The following HAO2 variants were observed in gnomAD, a reference collection of about 807,000 sequenced individuals.
HAO2 encodes the protein hydroxyacid oxidase 2, also known as 2-Hydroxyacid oxidase 2.
HAO2 carries 42 observed loss-of-function variants against 37.4 expected under a neutral mutation model. The ratio of observed to expected loss-of-function variants is 1.12; its 90% CI spans 0.88 to 1.45. HAO2 has a LOEUF of 1.45. Among genes scored for constraint, HAO2 ranks in the 40% most tolerant of loss-of-function variants. The probability of loss-of-function intolerance (pLI) is 0.00; values close to 1 mark genes in which losing one functional copy is unlikely to be tolerated. For synonymous variants in HAO2, 180 were observed against 162.8 expected (o/e 1.11, Z -0.81); for missense variants, 476 against 430.2 (o/e 1.11, Z -0.94).
intron 5 of HAO2, 59 bp downstream of exon 5, chr1:119,386,890 G>A (rs936692331): frequency 3.0e-6 from 3 of 1,016,412 alleles, no homozygotes; most frequent in African/African-American, 3.1e-5. Context: ...GTATGTGTGA[G>A]TGTGTCCACA....
intron 3 of HAO2, among the ~76,000 whole-genome samples, chr1:119,383,716 T>C (rs1650152733): frequency 6.6e-6 from 1 of 151,856 alleles, no homozygotes; most frequent in South Asian, 2.1e-4. Flanking sequence ...CTGAAAATGC[T>C]CTTGGGACTC....
At chr1:119,379,689 C>T (rs2101202465) in intron 1 of HAO2, among the ~76,000 whole-genome samples, 1 of 152,278 alleles carries the variant, frequency 6.6e-6, no homozygotes, top group Middle Eastern at 3.4e-3. Context: ...TATGGCTGGG[C>T]TCCAAATTAC....
chr1:119,386,934 C>T lies in HAO2; in HGVS notation c.771+103C>T, dbSNP rs1650431488. On this transcript the variant is annotated intron_variant, in intron 5 of 7. Coordinates refer to ENST00000325945, the MANE Select transcript of HAO2 (RefSeq NM_016527.4). ...CTCTGTGAAATCTGAGCATATTTCA[C>T]TCCTCTGTACCACATGTGTTGGTAT... 15 of 735,920 alleles carry T rather than the reference C, an allele frequency of 2.0e-5. No individual in the cohort carries two copies. The South Asian group carries it at 2.3e-4, about 11-fold the overall frequency. The allele number at this position is 735,920 out of a possible 1,614,324, so 45.6% of individuals were successfully genotyped here.
chr1:119,382,937 C>T lies in HAO2; in HGVS notation c.154C>T (p.Leu52=). 6.2e-7 allele frequency: 1 copy of T among 1,613,806 alleles called. No homozygotes were observed. The highest frequency in any genetic ancestry group is 8.5e-7 in the Non-Finnish European group (1 of 1,179,770). ...FKRIRLRPRY[L]RDVSEVDTRT... Reference sequence around the variant, plus strand: ...CAGAATTCGCCTCCGTCCGCGGTACCTGAGAGATGTGTCTGAGGTGGACAC... The same window carrying T: ...CAGAATTCGCCTCCGTCCGCGGTACTTGAGAGATGTGTCTGAGGTGGACAC... Residue 52 remains leucine, a synonymous_variant, in exon 3 of 8, where the codon CTG becomes TTG. Coordinates refer to ENST00000325945, the MANE Select transcript of HAO2 (RefSeq NM_016527.4).
intron 5 of HAO2, among the ~76,000 whole-genome samples, chr1:119,390,340 C>T (rs1454739860): frequency 1.3e-5 from 2 of 152,162 alleles, no homozygotes; most frequent in Admixed American, 6.5e-5. Flanking sequence ...CAACCTCCAC[C>T]TCCCAGGTTC....
At chr1:119,385,983 CT>C in intron 4 of HAO2, 1 of 729,792 alleles carries the variant, frequency 1.4e-6, no homozygotes. Flanking sequence ...CCAATAAATG[CT>C]TTTGCTTATC....
chr1:119,380,411 C>A (rs1649825523), intron 1 of HAO2: 1 of 396,106 alleles, frequency 2.5e-6, no homozygotes, highest in Non-Finnish European at 4.5e-6. Flanking sequence ...GACCCTTGAG[C>A]CTCCTAATAA....
At chr1:119,386,207 GTTGTTTGT>G (rs149142016) in intron 4 of HAO2, among the ~76,000 whole-genome samples, 1 of 151,948 alleles carries the variant, frequency 6.6e-6, no homozygotes, top group Non-Finnish European at 1.5e-5. Flanking sequence ...TGTTTTCTTT[GTTGTTTGT>G]TTGTTTGTTT....
intron 2 of HAO2, 121 bp downstream of exon 2, chr1:119,381,337 T>G (rs1570769612): frequency 1.4e-6 from 1 of 738,092 alleles, no homozygotes; most frequent in South Asian, 1.7e-5. Flanking sequence ...CCTAATAATG[T>G]GGATGATTTT....
chr1:119,376,619 G>T (rs2101186823), intron 1 of HAO2, among the ~76,000 whole-genome samples: 1 of 152,302 alleles, frequency 6.6e-6, no homozygotes, highest in South Asian at 2.1e-4. Flanking sequence ...CTCCATTAGG[G>T]CTCTGCCCCT....
intron 3 of HAO2, among the ~76,000 whole-genome samples, chr1:119,383,368 G>A (rs960204631): frequency 2.0e-5 from 3 of 152,226 alleles, no homozygotes; most frequent in Non-Finnish European, 4.4e-5. Context: ...CACACCATCT[G>A]TAGGGAAAGG....
intron 5 of HAO2, among the ~76,000 whole-genome samples, chr1:119,391,049 T>G (rs2101279964): frequency 6.6e-6 from 1 of 152,296 alleles, no homozygotes; most frequent in South Asian, 2.1e-4. Flanking sequence ...ATGTGAATTC[T>G]CTCTAGTTAT....
At chr1:119,390,168 C>T (rs1357208450) in intron 5 of HAO2, among the ~76,000 whole-genome samples, 1 of 152,136 alleles carries the variant, frequency 6.6e-6, no homozygotes, top group Non-Finnish European at 1.5e-5. Flanking sequence ...TATACCAGTT[C>T]CATGCTGTTT....
At chr1:119,391,283 T>G (rs777220877) in intron 5 of HAO2, among the ~76,000 whole-genome samples, 41 of 152,094 alleles carry the variant, frequency 2.7e-4, no homozygotes, top group Non-Finnish European at 5.4e-4. Flanking sequence ...ACCCTGAGGG[T>G]GTTCCAGAAC....
intron 1 of HAO2, among the ~76,000 whole-genome samples, chr1:119,377,107 T>C (rs587626213): frequency 6.6e-6 from 1 of 152,370 alleles, no homozygotes; most frequent in Admixed American, 6.5e-5. Flanking sequence ...GCTCCCCTTT[T>C]AAAAATAAGT....
intron 1 of HAO2, among the ~76,000 whole-genome samples, chr1:119,377,455 T>A (rs1649561231): frequency 6.6e-6 from 1 of 152,212 alleles, no homozygotes; most frequent in Non-Finnish European, 1.5e-5. Context: ...CTTTCCCACA[T>A]CTTCCTGTCT....
At chr1:119,375,505 C>T (rs1266440826) in intron 1 of HAO2, among the ~76,000 whole-genome samples, 1 of 152,042 alleles carries the variant, frequency 6.6e-6, no homozygotes, top group Non-Finnish European at 1.5e-5. Context: ...TTTATGAGAA[C>T]CAACTATTGT....
intron 1 of HAO2, among the ~76,000 whole-genome samples, chr1:119,378,858 C>A (rs587714191): frequency 6.6e-6 from 1 of 152,214 alleles, no homozygotes; most frequent in Admixed American, 6.5e-5. Flanking sequence ...AGATAAATGA[C>A]AGGCAGGGGA....
At chr1:119,379,454 A>G (rs1263991972) in intron 1 of HAO2, among the ~76,000 whole-genome samples, 1 of 152,208 alleles carries the variant, frequency 6.6e-6, no homozygotes, top group Non-Finnish European at 1.5e-5. Context: ...GGCATCATAT[A>G]TTAGTTCTTT....
Sources: allele counts gnomAD v4.1 joint callset (sites outside exome capture counted in the v4.1 genomes callset), GRCh38; gene constraint gnomAD v4.1.1; transcripts MANE v1.5; gene names NCBI Gene and HGNC (gene_info 2026-07-23, HGNC 2026-07-21).